Variants in KCNJ16 observed in about 807,000 individuals in gnomAD.
The protein encoded by KCNJ16 is inward rectifier potassium channel 16.
In KCNJ16, 15 loss-of-function variants were observed where a neutral mutation model predicts 18.5. The observed-to-expected ratio is 0.81, with a 90% CI of 0.54 to 1.25. KCNJ16 has a LOEUF of 1.25. KCNJ16 is among the 50% of genes most tolerant of loss of function. KCNJ16 has a pLI of 0.00. For missense variants in KCNJ16, 523 were observed against 525.7 expected (o/e 0.99, Z 0.05); for synonymous variants, 174 against 186.5 (o/e 0.93, Z 0.55).
intron 2 of KCNJ16, chr17:70,102,100 A>G (rs2143848888): frequency 6.6e-6 from 1 of 152,036 alleles, no homozygotes; most frequent in East Asian, 1.9e-4. Flanking sequence ...CATCACATGC[A>G]CAAAGGACCC....
intron 2 of KCNJ16, among the ~76,000 whole-genome samples, chr17:70,123,961 A>AGATGC (rs1351522797): frequency 1.3e-5 from 2 of 152,222 alleles, no homozygotes; most frequent in African/African-American, 2.4e-5. Flanking sequence ...GATAAAATGC[A>AGATGC]GATGCGTTCC....
intron 1 of KCNJ16, among the ~76,000 whole-genome samples, chr17:70,098,524 T>G (rs984945738): frequency 4.6e-5 from 7 of 151,748 alleles, no homozygotes; most frequent in African/African-American, 1.7e-4. Context: ...TCTTCTTTCT[T>G]TTCCCTTTGA....
intron 2 of KCNJ16, among the ~76,000 whole-genome samples, chr17:70,119,179 G>T (rs2073534267): frequency 2.0e-5 from 3 of 152,234 alleles, no homozygotes; most frequent in Non-Finnish European, 2.9e-5. Context: ...CAAGGGGTTA[G>T]GTTCACAAGG....
At chr17:70,118,173 T>TA (rs2073485449) in intron 2 of KCNJ16, among the ~76,000 whole-genome samples, 1 of 151,880 alleles carries the variant, frequency 6.6e-6, no homozygotes, top group East Asian at 1.9e-4. Flanking sequence ...CTGGGTAATT[T>TA]AAAACCTAGG....
chr17:70,103,111 T>C (rs1433066195), intron 2 of KCNJ16, among the ~76,000 whole-genome samples: 1 of 144,658 alleles, frequency 6.9e-6, no homozygotes, highest in Non-Finnish European at 1.5e-5. Flanking sequence ...GTATATTATA[T>C]ATATATATTT....
intron 2 of KCNJ16, among the ~76,000 whole-genome samples, chr17:70,103,164 TAATA>T (rs1009393954): frequency 1.2e-4 from 17 of 145,810 alleles, no homozygotes; most frequent in South Asian, 1.1e-3. Context: ...ATAATTTATT[TAATA>T]TATATTTATG....
At chr17:70,130,016 C>G (rs2074003332) in intron 2 of KCNJ16, among the ~76,000 whole-genome samples, 1 of 152,068 alleles carries the variant, frequency 6.6e-6, no homozygotes, top group South Asian at 2.1e-4. Context: ...TTCTAACTCT[C>G]AGACTCCCAC....
At position 70,132,276 on chromosome 17, in the gene KCNJ16, C is replaced by T. The variant is rs34408089; in HGVS notation, c.189C>T (p.Thr63=). 0.025 allele frequency: 40,568 copies of T among 1,614,140 alleles called. 558 individuals are homozygous for T. Among genetic ancestry groups the T allele is most frequent in the Middle Eastern group, 0.031 (188 of 6,062 alleles). Residue 63 remains threonine (T), a synonymous_variant, in exon 4 of 4, where the codon ACC becomes ACT. Coordinates refer to ENST00000392671, the MANE Select transcript of KCNJ16 (RefSeq NM_170741.4). The part of the protein sequence containing the change: ...EWGSYVVDIF[T]TLVDTKWRHM... ...GAAGCTATGTGGTTGACATCTTCAC[C>T]ACTCTTGTGGACACCAAGTGGCGCC...
chr17:70,127,810 C>T (rs918022900), intron 2 of KCNJ16, among the ~76,000 whole-genome samples: 2 of 152,224 alleles, frequency 1.3e-5, no homozygotes, highest in Non-Finnish European at 2.9e-5. Context: ...CATGTGTTAA[C>T]TACCTCAGGT....
At chr17:70,079,333 AC>A (rs1168292519) in intron 1 of KCNJ16, among the ~76,000 whole-genome samples, 1 of 152,200 alleles carries the variant, frequency 6.6e-6, no homozygotes, top group Non-Finnish European at 1.5e-5. Context: ...GATAAGGCCC[AC>A]CTACATTATG....
intron 1 of KCNJ16, among the ~76,000 whole-genome samples, chr17:70,088,021 C>CAAAAA (rs10661960): frequency 0.77 from 61,066 of 79,158 alleles, 23,867 homozygotes; most frequent in East Asian, 0.94. Flanking sequence ...GACTCTGTCT[C>CAAAAA]AAAAAAAAAA....
intron 1 of KCNJ16, among the ~76,000 whole-genome samples, chr17:70,090,945 G>A (rs1258276223): frequency 6.6e-6 from 1 of 152,174 alleles, no homozygotes; most frequent in South Asian, 2.1e-4. Context: ...ACCGGTGAAT[G>A]TTTTCCCAGT....
chr17:70,133,340 T>G lies in KCNJ16; in HGVS notation c.1253T>G (p.Met418Arg), dbSNP rs373595812. The change falls in exon 4 of 4, where the codon ATG becomes AGG. Residue 418 changes from methionine to arginine, a missense_variant. Transcript: ENST00000392671. ...AACAGAATCTCTGTAGAATCCCAAA[T>G]GTAGTCCTAAATTGCAATTATGAGG... ...TLNRISVESQM is the reference protein window; with the variant it reads ...TLNRISVESQR The G allele has an allele frequency of 1.2e-6, 2 of 1,606,938 alleles. No individual in the cohort carries two copies. Among genetic ancestry groups the G allele is most frequent in the Non-Finnish European group, 1.7e-6 (2 of 1,175,294 alleles).
rs76054234 is a variant in KCNJ16 at position 70,103,854 on chromosome 17, T to C, written c.-191+3088T>C. ...GATTTCCTCACTCCAAAACTCCTTT[T>C]CTACCAGCTCCATTATCTGAGTAAA... On this transcript the variant is annotated intron_variant, in intron 2 of 3. Coordinates refer to ENST00000392671, the MANE Select transcript of KCNJ16 (RefSeq NM_170741.4). Among the ~76,000 whole-genome samples, 438 of 152,226 alleles carry C rather than the reference T, an allele frequency of 2.9e-3. 4 individuals are homozygous for C. Among genetic ancestry groups the C allele is most frequent in the African/African-American group, 0.01 (417 of 41,554 alleles).
chr17:70,128,369 G>A (rs1220876230), intron 2 of KCNJ16, among the ~76,000 whole-genome samples: 1 of 152,180 alleles, frequency 6.6e-6, no homozygotes, highest in East Asian at 1.9e-4. Context: ...AGTAAGATAC[G>A]AGAAAAGTGG....
chr17:70,105,347 G>A (rs1381029917), intron 2 of KCNJ16, among the ~76,000 whole-genome samples: 1 of 152,120 alleles, frequency 6.6e-6, no homozygotes, highest in African/African-American at 2.4e-5. Flanking sequence ...AGAGACAGAG[G>A]GAGACTAAAA....
intron 1 of KCNJ16, among the ~76,000 whole-genome samples, chr17:70,079,237 G>C (rs2143528241): frequency 6.6e-6 from 1 of 152,232 alleles, no homozygotes; most frequent in Non-Finnish European, 1.5e-5. Context: ...TAGGAAACTT[G>C]GATGGCATTT....
At position 70,086,970 on chromosome 17, in the gene KCNJ16, C is replaced by T. The variant is rs530296714; in HGVS notation, c.-300+11580C>T. 3.9e-5 allele frequency among the ~76,000 whole-genome samples: 6 copies of T among 152,246 alleles called. No individual in the cohort carries two copies. The South Asian group carries it at 1.2e-3, about 32-fold the overall frequency. On this transcript the variant is annotated intron_variant, in intron 1 of 3. Coordinates refer to ENST00000392671, the MANE Select transcript of KCNJ16 (RefSeq NM_170741.4). ...CTGGAGTGCAATGGTGCAATCTCAG[C>T]TCACTGCAAGCTCCACCTCCCGGGT...
rs1163616571 is a variant in KCNJ16, at chr17:70,132,962, C to G, written c.875C>G (p.Ser292Cys). 1.9e-6 allele frequency: 3 copies of G among 1,614,140 alleles called. No homozygotes were observed. The highest frequency in any genetic ancestry group is 1.7e-5 in the Admixed American group (1 of 60,028). ...TATACTGGTGATTCCACTGGAACAT[C>G]TCACCAATCTAGAAGCTCCTATGTT... ...FIYTGDSTGT[S>C]HQSRSSYVPR... Residue 292 changes from serine to cysteine, a missense_variant, in exon 4 of 4, where the codon TCT becomes TGT. Ser to Cys is a moderately radical substitution (Grantham distance 112). Transcript: ENST00000392671.
Sources: gnomAD v4.1 joint callset for allele counts (sites outside exome capture counted in the v4.1 genomes callset) on GRCh38, gnomAD v4.1.1 for gene constraint, MANE v1.5 for transcripts, NCBI Gene and HGNC (gene_info 2026-07-23, HGNC 2026-07-21) for gene names.